The following PEAK1 variants were observed in gnomAD, a reference collection of about 807,000 sequenced individuals.
PEAK1 encodes inactive tyrosine-protein kinase PEAK1.
Under a neutral mutation model 124.7 loss-of-function variants are expected in PEAK1, and 54 were observed. The observed-to-expected ratio is 0.43, with a 90% CI of 0.35 to 0.54. PEAK1 has a LOEUF of 0.54. Ranked by LOEUF, PEAK1 falls within the 20% of genes least tolerant of loss-of-function variation. The pLI is 0.01. For missense variants in PEAK1, 2,046 were observed against 2,134.5 expected (o/e 0.96, Z 0.82); for synonymous variants, 719 against 760.0 (o/e 0.95, Z 0.89).
intron 9 of PEAK1, among the ~76,000 whole-genome samples, chr15:77,121,682 A>T (rs911827879): frequency 1.3e-5 from 2 of 152,186 alleles, no homozygotes; most frequent in African/African-American, 4.8e-5. Flanking sequence ...ACTCTTCAAA[A>T]ATATTCTACA....
At chr15:77,269,277 C>G (rs545848373) in intron 5 of PEAK1, among the ~76,000 whole-genome samples, 1 of 152,204 alleles carries the variant, frequency 6.6e-6, no homozygotes, top group East Asian at 1.9e-4. Context: ...AAGAGACTCA[C>G]CTGACACATA....
chr15:77,279,104 C>CGTGTGTGT (rs34561338), intron 5 of PEAK1, among the ~76,000 whole-genome samples: 99 of 115,130 alleles, frequency 8.6e-4, no homozygotes, highest in Admixed American at 2.0e-3. Context: ...CTCGTGTGTG[C>CGTGTGTGT]GTGTGTGTGT....
intron 6 of PEAK1, among the ~76,000 whole-genome samples, chr15:77,190,291 T>C (rs1285627209): frequency 1.3e-5 from 2 of 152,222 alleles, no homozygotes; most frequent in Admixed American, 6.5e-5. Flanking sequence ...TATAGATTTA[T>C]TGCTTTTGAG....
At chr15:77,223,887 T>C (rs1212192893) in intron 6 of PEAK1, among the ~76,000 whole-genome samples, 1 of 30,870 alleles carries the variant, frequency 3.2e-5, no homozygotes, top group South Asian at 7.5e-4. Context: ...ATTTGAGAGA[T>C]TTTTTTTTTT....
Position 77,353,285 on chromosome 15 carries a change from G to A in PEAK1, c.-603+11878C>T, listed in dbSNP as rs76292263. ...GACTGTGGTAGAAGTGACACTGAGT[G>A]ACTTCCAAGGTTATGTCGAGAAAAG... On this transcript the variant is annotated intron_variant, in intron 2 of 9. Coordinates refer to ENST00000682557, the MANE Select transcript of PEAK1 (RefSeq NM_001385026.1). Among the ~76,000 whole-genome samples the A allele has an allele frequency of 2.7e-3, 414 of 152,308 alleles. 3 individuals are homozygous for A. Among genetic ancestry groups the A allele is most frequent in the Non-Finnish European group, 4.2e-3 (283 of 68,024 alleles).
At chr15:77,257,522 C>T (rs2061216509) in intron 5 of PEAK1, among the ~76,000 whole-genome samples, 1 of 151,188 alleles carries the variant, frequency 6.6e-6, no homozygotes. Context: ...GCATAAATGT[C>T]TTCTTTTGAG....
At chr15:77,171,045 C>T (rs1057221018) in intron 7 of PEAK1, among the ~76,000 whole-genome samples, 2 of 152,068 alleles carry the variant, frequency 1.3e-5, no homozygotes, top group Admixed American at 6.6e-5. Context: ...AAAATTTGAC[C>T]CACTAGTGTC....
At chr15:77,224,366 T>A (rs960777767) in intron 6 of PEAK1, among the ~76,000 whole-genome samples, 4 of 152,176 alleles carry the variant, frequency 2.6e-5, no homozygotes, top group Admixed American at 2.6e-4. Flanking sequence ...AAAATTTTCT[T>A]AATTATCTGG....
At position 77,239,176 on chromosome 15, in the gene PEAK1, T is replaced by C. The variant is rs141457555; in HGVS notation, c.-115+13191A>G. 5.9e-3 allele frequency among the ~76,000 whole-genome samples: 897 copies of C among 152,338 alleles called. 12 individuals carry two copies. Among genetic ancestry groups the C allele is most frequent in the African/African-American group, 0.02 (832 of 41,580 alleles). ...TGTTTTGGCAGAGATAAATGGACAA[T>C]ATTGTACATACTTTTAAGGGAAAAT... is the stretch of plus-strand genomic sequence containing the variant. On this transcript the variant is annotated intron_variant, in intron 6 of 9. Transcript: ENST00000682557.
intron 2 of PEAK1, among the ~76,000 whole-genome samples, chr15:77,327,944 C>G (rs932378180): frequency 6.6e-6 from 1 of 152,100 alleles, no homozygotes; most frequent in African/African-American, 2.4e-5. Flanking sequence ...GAAACGGCAA[C>G]AGTGCATGCT....
At chr15:77,361,539 A>G (rs1054187124) in intron 2 of PEAK1, among the ~76,000 whole-genome samples, 1 of 152,224 alleles carries the variant, frequency 6.6e-6, no homozygotes, top group African/African-American at 2.4e-5. Flanking sequence ...TCTCACCCCA[A>G]TTAGGATGGC....
At chr15:77,289,354 ACT>A (rs1379167691) in intron 2 of PEAK1, among the ~76,000 whole-genome samples, 1 of 152,120 alleles carries the variant, frequency 6.6e-6, no homozygotes, top group Admixed American at 6.5e-5. Flanking sequence ...GTAACATAAG[ACT>A]CTATTTCAAT....
intron 6 of PEAK1, among the ~76,000 whole-genome samples, chr15:77,215,634 G>T (rs2059116416): frequency 6.6e-6 from 1 of 152,108 alleles, no homozygotes; most frequent in Non-Finnish European, 1.5e-5. Flanking sequence ...AAATATTTTC[G>T]ATCTGTGGTT....
intron 6 of PEAK1, among the ~76,000 whole-genome samples, chr15:77,210,899 A>G (rs952330916): frequency 1.3e-5 from 2 of 152,184 alleles, no homozygotes; most frequent in Non-Finnish European, 2.9e-5. Context: ...CAAAAAACAA[A>G]AACAAAATTC....
chr15:77,373,353 A>G (rs2068780248), intron 1 of PEAK1, among the ~76,000 whole-genome samples: 1 of 152,188 alleles, frequency 6.6e-6, no homozygotes, highest in Admixed American at 6.5e-5. Context: ...GCACGTTTAT[A>G]TACTTACATA....
At chr15:77,243,973 T>TAA (rs566829498) in intron 6 of PEAK1, among the ~76,000 whole-genome samples, 3 of 110,590 alleles carry the variant, frequency 2.7e-5, no homozygotes, top group Admixed American at 8.9e-5. Context: ...TTTCTCAAAA[T>TAA]AAAAAAAAAA....
chr15:77,376,005 A>AAATAAATG, intron 1 of PEAK1, among the ~76,000 whole-genome samples: 1 of 61,086 alleles, frequency 1.6e-5, no homozygotes, highest in East Asian at 2.8e-4. Context: ...TCTCAAAAAT[A>AAATAAATG]AATAAATAAA....
intron 2 of PEAK1, among the ~76,000 whole-genome samples, chr15:77,293,073 C>T (rs537769094): frequency 1.3e-5 from 2 of 152,186 alleles, no homozygotes; most frequent in African/African-American, 2.4e-5. Context: ...CATTCTATGA[C>T]TATCTCCCTT....
intron 5 of PEAK1, among the ~76,000 whole-genome samples, chr15:77,256,166 T>A (rs2061123193): frequency 6.6e-6 from 1 of 151,956 alleles, no homozygotes; most frequent in South Asian, 2.1e-4. Context: ...AAGATAAGCA[T>A]AATAAAACAA....
Sources: allele counts gnomAD v4.1 joint callset (sites outside exome capture counted in the v4.1 genomes callset), GRCh38; gene constraint gnomAD v4.1.1; transcripts MANE v1.5; gene names NCBI Gene and HGNC (gene_info 2026-07-23, HGNC 2026-07-21).